DRAM1: variants seen among roughly 807,000 people sequenced by gnomAD.
DRAM1 encodes DNA damage-regulated autophagy modulator protein 1.
Under a neutral mutation model 28.5 loss-of-function variants are expected in DRAM1, and 25 were observed. The observed-to-expected ratio is 0.88, with a 90% CI of 0.64 to 1.23. DRAM1 has a LOEUF of 1.23. Ranked by LOEUF, DRAM1 falls within the 50% of genes most tolerant of loss-of-function variation. The pLI, the probability that DRAM1 is intolerant of heterozygous loss-of-function variation, is 0.00. For synonymous variants in DRAM1, 113 were observed against 114.2 expected, an observed-to-expected ratio of 0.99 and a Z score of 0.07; for missense variants, 249 against 299.2, an observed-to-expected ratio of 0.83 and a Z score of 1.24.
chr12:101,877,894 C>T lies in DRAM1; in HGVS notation c.105C>T (p.His35=), dbSNP rs1233143023. 8 of 1,542,972 alleles carry T rather than the reference C, an allele frequency of 5.2e-6. No individual in the cohort carries two copies. The highest frequency in any genetic ancestry group is 2.4e-5 in the South Asian group (2 of 83,066). ...ACGTGGTCGCCGTGCTCTCCGGGCA[C>T]GTCAACCCCTTCCTCCCGTATATCA... ...ISYVVAVLSG[H]VNPFLPYISD... is the part of the protein sequence containing the mutation. The change falls in exon 1 of 7, where the codon CAC becomes CAT. Residue 35 remains histidine (H), a synonymous_variant. Coordinates refer to ENST00000258534, the MANE Select transcript of DRAM1 (RefSeq NM_018370.3). This position sits in a 1 kb window ranked among gnomAD's most constrained non-coding sequence, Gnocchi z 4.1.
Position 101,923,282 on chromosome 12 carries a change from G to T in DRAM1, c.*2022G>T, listed in dbSNP as rs1426272995. On this transcript the variant is annotated 3_prime_UTR_variant, in exon 7 of 7. Coordinates refer to ENST00000258534, the MANE Select transcript of DRAM1 (RefSeq NM_018370.3). ...TACCTTTCCCATGGGACCTGTGGTG[G>T]AATGAATCCATACTTCTGCCTCACT... The T allele has an allele frequency of 6.6e-6, 1 of 152,184 alleles. No individual in the cohort carries two copies. Among genetic ancestry groups the T allele is most frequent in the Non-Finnish European group, 1.5e-5 (1 of 68,034 alleles). The allele number at this position is 152,184 out of a possible 1,614,324, so 9.4% of individuals were successfully genotyped here.
At position 101,883,320 on chromosome 12, in the gene DRAM1, T is replaced by G. The variant is rs553828856; in HGVS notation, c.131+5400T>G. ...TTATTTTTTACCCAAATAGGTTTTT[T>G]TTTTTTTTTTTGAGATGGAGTTTCA... On this transcript the variant is annotated intron_variant, in intron 1 of 6. Transcript: ENST00000258534. Among the ~76,000 whole-genome samples, 957 of 149,330 alleles carry G rather than the reference T, an allele frequency of 6.4e-3. 10 individuals are homozygous for G. The highest frequency in any genetic ancestry group is 9.8e-3 in the Non-Finnish European group (661 of 67,534).
chr12:101,877,709 C>T lies in DRAM1; in HGVS notation c.-81C>T. The T allele has an allele frequency of 8.6e-7, 1 of 1,165,008 alleles. No homozygotes were observed. The highest frequency in any genetic ancestry group is 1.1e-6 in the Non-Finnish European group (1 of 924,674). The allele number at this position is 1,165,008 out of a possible 1,614,324, so 72.2% of individuals were successfully genotyped here. The stretch of plus-strand genomic sequence containing the variant: ...ACCGTCCGTGAGTGTACGCGCCCGG[C>T]CGCCGCCTCCAGGCAGCCCGGAGCA... On this transcript the variant is annotated 5_prime_UTR_variant, in exon 1 of 7. Coordinates refer to ENST00000258534, the MANE Select transcript of DRAM1 (RefSeq NM_018370.3). The surrounding 1 kb of genome is among the most constrained non-coding windows in gnomAD (Gnocchi z 4.1).
chr12:101,895,571 T>TGGTTTTTA (rs1555282187), intron 1 of DRAM1, among the ~76,000 whole-genome samples: 1,294 of 45,620 alleles, frequency 0.028, 58 homozygotes, highest in African/African-American at 0.12. Context: ...AGGCTATTTT[T>TGGTTTTTA]TTTTTTTTTT....
chr12:101,891,055 C>G (rs1301244766), intron 1 of DRAM1, among the ~76,000 whole-genome samples: 1 of 151,752 alleles, frequency 6.6e-6, no homozygotes, highest in East Asian at 1.9e-4. Flanking sequence ...GGCCTGCCCC[C>G]CACATTCTAA....
intron 1 of DRAM1, among the ~76,000 whole-genome samples, chr12:101,890,382 A>AT (rs11333939): frequency 6.6e-6 from 1 of 151,096 alleles, no homozygotes. Flanking sequence ...GCCCGGCCCT[A>AT]TTTTTTTTGG....
At chr12:101,905,437 A>G (rs371950099) in intron 3 of DRAM1, among the ~76,000 whole-genome samples, 1 of 152,052 alleles carries the variant, frequency 6.6e-6, no homozygotes, top group African/African-American at 2.4e-5. Flanking sequence ...TCATGCCATC[A>G]TGCCCAGCAA....
At position 101,893,504 on chromosome 12, in the gene DRAM1, A is replaced by G. The variant is rs541390763; in HGVS notation, c.132-4359A>G. 2.6e-5 allele frequency among the ~76,000 whole-genome samples: 4 copies of G among 152,304 alleles called. No individual in the cohort carries two copies. The South Asian group carries it at 8.3e-4, about 32-fold the overall frequency. On this transcript the variant is annotated intron_variant, in intron 1 of 6. Coordinates refer to ENST00000258534, the MANE Select transcript of DRAM1 (RefSeq NM_018370.3). ...CCCCCAATCATTCTCCTAATGGCTT[A>G]GTTCCTTGTCTGCTGTTAAAGCAGA...
intron 1 of DRAM1, among the ~76,000 whole-genome samples, chr12:101,886,584 C>T (rs1421677297): frequency 6.6e-6 from 1 of 152,160 alleles, no homozygotes; most frequent in African/African-American, 2.4e-5. Flanking sequence ...ACTTAATCAA[C>T]TTGCTGGGTT....
In DRAM1 at chr12:101,877,902, C is replaced by T; in HGVS notation, c.113C>T (p.Pro38Leu). The change falls in exon 1 of 7, where the codon CCC becomes CTC. Residue 38 changes from proline (P) to leucine (L), a missense_variant. Transcript: ENST00000258534. The surrounding 1 kb of genome is among the most constrained non-coding windows in gnomAD (Gnocchi z 4.1). The stretch of plus-strand genomic sequence containing the variant: ...GCCGTGCTCTCCGGGCACGTCAACC[C>T]CTTCCTCCCGTATATCAGGTGAGTG... ...VVAVLSGHVNPFLPYISDTGT... is the reference protein window; with the variant it reads ...VVAVLSGHVNLFLPYISDTGT... 1 of 1,538,802 alleles carries T rather than the reference C, an allele frequency of 6.5e-7. No homozygotes were observed. The highest frequency in any genetic ancestry group is 8.8e-7 in the Non-Finnish European group (1 of 1,139,368).
At chr12:101,903,788 G>A (rs140505301) in intron 3 of DRAM1, among the ~76,000 whole-genome samples, 1 of 151,848 alleles carries the variant, frequency 6.6e-6, no homozygotes, top group Admixed American at 6.6e-5. Context: ...CTACAGCCAG[G>A]TGTGGTGGCT....
At chr12:101,915,586 A>G (rs187386833) in intron 5 of DRAM1, among the ~76,000 whole-genome samples, 14 of 149,472 alleles carry the variant, frequency 9.4e-5, no homozygotes, top group Non-Finnish European at 1.5e-4. Context: ...CTTGTTGCCT[A>G]GGCTGGAGTG....
chr12:101,910,530 T>C (rs990409309), intron 4 of DRAM1, among the ~76,000 whole-genome samples: 1 of 150,060 alleles, frequency 6.7e-6, no homozygotes, highest in Non-Finnish European at 1.5e-5. Flanking sequence ...CAGGCTGGAG[T>C]GCAATGGTGC....
chr12:101,901,577 T>C (rs1873607035), intron 3 of DRAM1, 144 bp downstream of exon 3: 3 of 967,150 alleles, frequency 3.1e-6, no homozygotes, highest in Admixed American at 3.0e-5. Context: ...GTTTGCTTTT[T>C]AGAAACCTTT....
At chr12:101,893,166 CA>C (rs1401177534) in intron 1 of DRAM1, among the ~76,000 whole-genome samples, 1 of 152,220 alleles carries the variant, frequency 6.6e-6, no homozygotes, top group Admixed American at 6.5e-5. Flanking sequence ...TGGTCTACAA[CA>C]AAGGCATAAT....
chr12:101,914,080 CT>C, intron 4 of DRAM1, 93 bp from the exon 5 acceptor site: 1 of 723,440 alleles, frequency 1.4e-6, no homozygotes, highest in Middle Eastern at 3.4e-4. Flanking sequence ...ATTTTAACAC[CT>C]TATAATGATT....
chr12:101,917,778 G>GTT (rs11446502), intron 5 of DRAM1, among the ~76,000 whole-genome samples: 4 of 151,534 alleles, frequency 2.6e-5, no homozygotes, highest in Admixed American at 6.6e-5. Flanking sequence ...CAAAAGGCAG[G>GTT]TTTTTTTCTT....
intron 1 of DRAM1, among the ~76,000 whole-genome samples, 159 bp from the exon 2 acceptor site, chr12:101,897,704 A>G (rs535565364): frequency 6.6e-5 from 10 of 152,150 alleles, no homozygotes; most frequent in Non-Finnish European, 1.5e-4. Context: ...TCAGAGCCAA[A>G]ATGAAAATAC....
intron 1 of DRAM1, among the ~76,000 whole-genome samples, chr12:101,883,314 G>T (rs1566119344): frequency 1.8e-5 from 2 of 109,126 alleles, no homozygotes; most frequent in African/African-American, 7.5e-5. Context: ...ACCCAAATAG[G>T]TTTTTTTTTT....
Sources: allele counts gnomAD v4.1 joint callset (sites outside exome capture counted in the v4.1 genomes callset), GRCh38; gene constraint gnomAD v4.1.1; non-coding constraint Gnocchi (gnomAD v3.1); transcripts MANE v1.5; gene names NCBI Gene and HGNC (gene_info 2026-07-23, HGNC 2026-07-21).